The following STXBP5 variants were observed in gnomAD, a reference collection of about 807,000 sequenced individuals.
STXBP5 encodes the protein syntaxin-binding protein 5.
In STXBP5, 50 loss-of-function variants were observed where a neutral mutation model predicts 152.4. That is an observed-to-expected ratio of 0.33 (90% CI 0.26 to 0.42). The LOEUF is 0.42. Among genes scored for constraint, STXBP5 ranks in the 10% least tolerant of loss-of-function variants. The pLI is 1.00. For synonymous variants in STXBP5, 492 were observed against 494.7 expected, an observed-to-expected ratio of 0.99 and a Z score of 0.07; for missense variants, 1,167 against 1,388.6, an observed-to-expected ratio of 0.84 and a Z score of 2.54.
intron 4 of STXBP5, among the ~76,000 whole-genome samples, chr6:147,258,624 G>A (rs1374437564): frequency 2.6e-5 from 4 of 151,936 alleles, no homozygotes; most frequent in Middle Eastern, 3.2e-3. Flanking sequence ...TAATAGAGAC[G>A]GGGTTTCACC....
chr6:147,316,631 C>A, intron 16 of STXBP5, among the ~76,000 whole-genome samples: 1 of 152,130 alleles, frequency 6.6e-6, no homozygotes, highest in Admixed American at 6.6e-5. Flanking sequence ...GGTTTAATCT[C>A]CAAACATTCT....
rs1284822211 is a variant in STXBP5 at position 147,325,087 on chromosome 6, A to G, written c.1928+3A>G. ...GCAGTCAATTCTTCCTATGGACTGTAAGTATAAGTTACGTTTTTTTCTAAG... is the reference window on the plus strand; with the variant it reads ...GCAGTCAATTCTTCCTATGGACTGTGAGTATAAGTTACGTTTTTTTCTAAG... On this transcript the variant is annotated splice_donor_region_variant and intron_variant, in intron 17 of 27. Transcript: ENST00000321680. The G allele has an allele frequency of 6.6e-6, 10 of 1,513,312 alleles. No homozygotes were observed. Among genetic ancestry groups the G allele is most frequent in the Admixed American group, 4.2e-5 (2 of 47,772 alleles). The allele number at this position is 1,513,312 out of a possible 1,614,324, so 93.7% of individuals were successfully genotyped here.
At chr6:147,266,118 T>C (rs921128227) in intron 6 of STXBP5, among the ~76,000 whole-genome samples, 1 of 151,984 alleles carries the variant, frequency 6.6e-6, no homozygotes, top group African/African-American at 2.4e-5. Flanking sequence ...TAAGAGAGAA[T>C]ATGAACTTAA....
At chr6:147,334,310 T>G in intron 19 of STXBP5, 88 bp downstream of exon 19, 1 of 1,183,840 alleles carries the variant, frequency 8.4e-7, no homozygotes, top group Non-Finnish European at 1.2e-6. Context: ...AGATATGCAT[T>G]TAAAATACAT....
intron 2 of STXBP5, among the ~76,000 whole-genome samples, chr6:147,219,729 G>A (rs1777359676): frequency 6.7e-6 from 1 of 148,336 alleles, no homozygotes; most frequent in African/African-American, 2.5e-5. Flanking sequence ...TTAAAGTGAT[G>A]TCTGTCTTTC....
At position 147,384,791 on chromosome 6, in the gene STXBP5, G is replaced by A. The variant is rs1583023156; in HGVS notation, c.*36G>A. The A allele has an allele frequency of 1.3e-6, 2 of 1,592,846 alleles. No homozygotes were observed. Among genetic ancestry groups the A allele is most frequent in the Non-Finnish European group, 1.7e-6 (2 of 1,171,946 alleles). On this transcript the variant is annotated 3_prime_UTR_variant, in exon 28 of 28. Coordinates refer to ENST00000321680, the MANE Select transcript of STXBP5 (RefSeq NM_001127715.4). ...CCAATAAGTCCAACTTCAGCCAGAA[G>A]GAAAAAAGTTTTCCATTTTTATTAC...
intron 2 of STXBP5, among the ~76,000 whole-genome samples, chr6:147,215,112 C>T (rs765869728): frequency 6.6e-6 from 1 of 152,196 alleles, no homozygotes; most frequent in Non-Finnish European, 1.5e-5. Flanking sequence ...AGCACAAATG[C>T]AACCATAAAC....
rs887963991 is a variant in STXBP5 at position 147,250,969 on chromosome 6, CAAAAAAAAAAAAA to C, written c.432-9634_432-9622del. 3.0e-3 allele frequency among the ~76,000 whole-genome samples: 157 copies of C among 52,960 alleles called. 1 individual carries two copies. The highest frequency in any genetic ancestry group is 0.011 in the African/African-American group (147 of 13,628). 34.7% of individuals were successfully genotyped at this position (52,960 alleles called of 152,430 possible). A position where few individuals can be genotyped will look rare whatever the true frequency, so the allele number is the denominator to read the frequency against. The stretch of plus-strand genomic sequence containing the variant: ...GGCAACAAGAGTGAAACCTTGTCTC[CAAAAAAAAAAAAA>C]AAAAAAAAAAAGAAGGCCGAATAGA... On this transcript the variant is annotated intron_variant, in intron 4 of 27. Coordinates refer to ENST00000321680, the MANE Select transcript of STXBP5 (RefSeq NM_001127715.4).
intron 2 of STXBP5, among the ~76,000 whole-genome samples, chr6:147,226,150 CAAAA>C (rs1170299196): frequency 1.3e-5 from 2 of 151,746 alleles, no homozygotes; most frequent in Non-Finnish European, 2.9e-5. Context: ...AACAAACAAA[CAAAA>C]AAGCCAGGGG....
chr6:147,365,794 T>A (rs538367649), intron 25 of STXBP5, among the ~76,000 whole-genome samples: 1 of 152,292 alleles, frequency 6.6e-6, no homozygotes, highest in African/African-American at 2.4e-5. Flanking sequence ...GTTCCCTGAG[T>A]ACCCTTTTAC....
Position 147,389,673 on chromosome 6 carries a change from G to C in STXBP5, c.*4918G>C, listed in dbSNP as rs1272897654. ...ATGGCAATGGAATCCTATTTATTTG[G>C]TAGTTGGTTTTGTTTGTTTTTGTTT... On this transcript the variant is annotated 3_prime_UTR_variant, in exon 28 of 28. Coordinates refer to ENST00000321680, the MANE Select transcript of STXBP5 (RefSeq NM_001127715.4). 1 of 151,812 alleles carries C rather than the reference G, an allele frequency of 6.6e-6. No individual in the cohort carries two copies. The highest frequency in any genetic ancestry group is 2.4e-5 in the African/African-American group (1 of 41,402). The allele number at this position is 151,812 out of a possible 1,614,324, so 9.4% of individuals were successfully genotyped here. A position where few individuals can be genotyped will look rare whatever the true frequency, so the allele number is the denominator to read the frequency against.
intron 20 of STXBP5, 37 bp downstream of exon 20, chr6:147,339,275 T>C (rs185268124): frequency 3.6e-4 from 545 of 1,509,396 alleles, no homozygotes; most frequent in Non-Finnish European, 4.7e-4. Flanking sequence ...TTCTTTTATG[T>C]TTAATTTATT....
At chr6:147,357,333 G>A (rs1784860220) in intron 22 of STXBP5, among the ~76,000 whole-genome samples, 1 of 152,092 alleles carries the variant, frequency 6.6e-6, no homozygotes, top group Non-Finnish European at 1.5e-5. Flanking sequence ...AAGCCTAAAA[G>A]TAGGTAAGTG....
chr6:147,330,570 G>T (rs1783518102), intron 18 of STXBP5, among the ~76,000 whole-genome samples: 1 of 152,142 alleles, frequency 6.6e-6, no homozygotes, highest in Non-Finnish European at 1.5e-5. Context: ...CAGAATTCTA[G>T]AATGAGTTGC....
In STXBP5 at chr6:147,291,121, C is replaced by G. The variant is rs1212968857; in HGVS notation, c.866C>G (p.Pro289Arg). The G allele has an allele frequency of 1.9e-6, 3 of 1,611,420 alleles. No individual in the cohort carries two copies. Among genetic ancestry groups the G allele is most frequent in the Admixed American group, 3.3e-5 (2 of 59,808 alleles). Reference sequence around the variant, plus strand: ...AAACAGTTAAAGGATGGGAAGAAGCCAGAACCATGCAAACCTATCCTCAAG... The same window carrying G: ...AAACAGTTAAAGGATGGGAAGAAGCGAGAACCATGCAAACCTATCCTCAAG... ...HGKQLKDGKK[P>R]EPCKPILKVE... The change falls in exon 9 of 28, where the codon CCA (proline) becomes CGA (arginine). Residue 289 changes from proline to arginine, a missense_variant. Pro to Arg is a moderately radical substitution (Grantham distance 103). Transcript: ENST00000321680.
At chr6:147,318,469 TACTG>T (rs1782752373) in intron 16 of STXBP5, among the ~76,000 whole-genome samples, 1 of 152,192 alleles carries the variant, frequency 6.6e-6, no homozygotes, top group African/African-American at 2.4e-5. Context: ...TTAAAGGTAA[TACTG>T]ACTTCGTTCT....
intron 25 of STXBP5, among the ~76,000 whole-genome samples, chr6:147,370,238 G>A (rs914221399): frequency 6.6e-6 from 1 of 152,070 alleles, no homozygotes; most frequent in Middle Eastern, 3.2e-3. Context: ...ATATGGGGTT[G>A]TTAAAGAAGG....
At position 147,373,893 on chromosome 6, in the gene STXBP5, CCAT is replaced by C. The variant is rs1785684306; in HGVS notation, c.3193+52_3193+54del. ...AATATATCTATAAAACAGGAACAAGCCATACAAAAATTTTTTTATACGTGTAAA... is the reference window on the plus strand; with the variant it reads ...AATATATCTATAAAACAGGAACAAGCACAAAAATTTTTTTATACGTGTAAA... On this transcript the variant is annotated intron_variant, in intron 26 of 27. Coordinates refer to ENST00000321680, the MANE Select transcript of STXBP5 (RefSeq NM_001127715.4). The C allele has an allele frequency of 2.1e-6, 3 of 1,430,032 alleles. No individual in the cohort carries two copies. The East Asian group carries it at 7.0e-5, about 33-fold the overall frequency. 88.6% of individuals were successfully genotyped at this position (1,430,032 alleles called of 1,614,324 possible).
chr6:147,307,222 G>A (rs1406977626), intron 9 of STXBP5, among the ~76,000 whole-genome samples: 1 of 152,104 alleles, frequency 6.6e-6, no homozygotes, highest in Non-Finnish European at 1.5e-5. Flanking sequence ...CTTCCAAACT[G>A]ACGTCTTTCT....
Sources: allele counts gnomAD v4.1 joint callset (sites outside exome capture counted in the v4.1 genomes callset), GRCh38; gene constraint gnomAD v4.1.1; transcripts MANE v1.5; gene names NCBI Gene and HGNC (gene_info 2026-07-23, HGNC 2026-07-21).